CTNNA2: variants seen among roughly 807,000 people sequenced by gnomAD.
The protein encoded by CTNNA2 is catenin alpha 2.
A neutral mutation model predicts 101.0 loss-of-function variants in CTNNA2; 42 were observed. The ratio of observed to expected loss-of-function variants is 0.42; its 90% CI spans 0.32 to 0.54. The LOEUF (loss-of-function observed/expected upper bound fraction) is 0.54. CTNNA2 is among the 20% of genes least tolerant of loss of function. CTNNA2 has a pLI of 0.14. For synonymous variants in CTNNA2, 450 were observed against 456.4 expected (o/e 0.99, Z 0.18); for missense variants, 871 against 1,223.1 (o/e 0.71, Z 4.29).
chr2:80,561,044 G>A (rs1173796634), intron 12 of CTNNA2, among the ~76,000 whole-genome samples: 1 of 152,008 alleles, frequency 6.6e-6, no homozygotes, highest in Non-Finnish European at 1.5e-5. Context: ...TTGGCTTTCT[G>A]GCCTATGCTT....
chr2:79,356,120 T>C (rs1677503616), intron 3 of CTNNA2, among the ~76,000 whole-genome samples: 2 of 151,460 alleles, frequency 1.3e-5, no homozygotes, highest in South Asian at 4.1e-4. Context: ...AGAAAAAGTA[T>C]ATATACTTCC....
At chr2:80,239,616 AAT>A (rs1373684076) in intron 7 of CTNNA2, among the ~76,000 whole-genome samples, 1 of 152,174 alleles carries the variant, frequency 6.6e-6, no homozygotes, top group Non-Finnish European at 1.5e-5. Flanking sequence ...CTAATAATAA[AAT>A]AGAATAGTTA....
At chr2:79,425,412 C>A (rs1678582525) in intron 4 of CTNNA2, among the ~76,000 whole-genome samples, 1 of 152,206 alleles carries the variant, frequency 6.6e-6, no homozygotes, top group African/African-American at 2.4e-5. Context: ...ATATAAAGGA[C>A]AGAAATTTAT....
At chr2:80,095,289 A>C (rs1558802349) in intron 7 of CTNNA2, among the ~76,000 whole-genome samples, 1 of 152,136 alleles carries the variant, frequency 6.6e-6, no homozygotes, top group Non-Finnish European at 1.5e-5. Flanking sequence ...GGTTCTGTTT[A>C]TATGCTGGAT....
intron 7 of CTNNA2, among the ~76,000 whole-genome samples, chr2:80,226,222 C>A (rs1031431422): frequency 6.6e-6 from 1 of 152,134 alleles, no homozygotes; most frequent in Admixed American, 6.6e-5. Context: ...CAGTTGGTCT[C>A]TCTTAATAGG....
chr2:79,821,837 C>T (rs1363729690), intron 3 of CTNNA2, among the ~76,000 whole-genome samples: 1 of 152,172 alleles, frequency 6.6e-6, no homozygotes, highest in African/African-American at 2.4e-5. Context: ...TACTACACTA[C>T]ATTAGAGAGT....
At chr2:79,993,397 C>T (rs1692318600) in intron 7 of CTNNA2, among the ~76,000 whole-genome samples, 1 of 152,166 alleles carries the variant, frequency 6.6e-6, no homozygotes, top group Non-Finnish European at 1.5e-5. Flanking sequence ...CAGCTCTTGG[C>T]ACATCTTCAG....
At chr2:79,797,175 T>C (rs748295909) in intron 3 of CTNNA2, among the ~76,000 whole-genome samples, 9 of 152,132 alleles carry the variant, frequency 5.9e-5, no homozygotes, top group Non-Finnish European at 1.2e-4. Context: ...CCACAAAATA[T>C]TGGAAGGACT....
intron 9 of CTNNA2, among the ~76,000 whole-genome samples, chr2:80,422,467 A>G (rs568142958): frequency 2.1e-4 from 31 of 150,612 alleles, no homozygotes; most frequent in African/African-American, 7.6e-4. Context: ...GCATTATAGT[A>G]CTAGCTAGGA....
chr2:79,880,442 G>A (rs13394876), intron 6 of CTNNA2, among the ~76,000 whole-genome samples: 3,668 of 152,144 alleles, frequency 0.024, 71 homozygotes, highest in African/African-American at 0.053. Flanking sequence ...GAATCCATCT[G>A]GTCCTGGGCT....
chr2:79,751,690 G>A (rs1672058670), intron 3 of CTNNA2, among the ~76,000 whole-genome samples: 1 of 151,722 alleles, frequency 6.6e-6, no homozygotes, highest in Non-Finnish European at 1.5e-5. Flanking sequence ...ATGATGAAAG[G>A]AAGGGAGAGA....
At chr2:79,954,580 A>G (rs1301577240) in intron 7 of CTNNA2, among the ~76,000 whole-genome samples, 2 of 152,200 alleles carry the variant, frequency 1.3e-5, no homozygotes, top group African/African-American at 2.4e-5. Context: ...TTCCAAGAGC[A>G]TAATTAGACT....
At chr2:80,054,882 C>G (rs1697118164) in intron 7 of CTNNA2, among the ~76,000 whole-genome samples, 1 of 152,016 alleles carries the variant, frequency 6.6e-6, no homozygotes, top group South Asian at 2.1e-4. Flanking sequence ...CCTGAAATAT[C>G]TTAGTTTTTA....
intron 7 of CTNNA2, among the ~76,000 whole-genome samples, chr2:80,016,771 T>G (rs548504882): frequency 3.9e-5 from 6 of 152,172 alleles, no homozygotes; most frequent in Non-Finnish European, 8.8e-5. Context: ...AGTGAGACAT[T>G]TGTAGCTAAA....
Position 80,431,435 on chromosome 2 carries a change from G to A in CTNNA2, c.1290+11834G>A, listed in dbSNP as rs542678991. Among the ~76,000 whole-genome samples the A allele has an allele frequency of 1.5e-3, 232 of 152,196 alleles. 3 individuals are homozygous for A. The highest frequency in any genetic ancestry group is 6.6e-3 in the Admixed American group (101 of 15,292). On this transcript the variant is annotated intron_variant, in intron 9 of 18. Transcript: ENST00000402739. ...TCTGGCTTGTCACTATTTAGGTGCC[G>A]CCTATCTTTGATATTTTACAATTCT...
intron 7 of CTNNA2, chr2:80,288,323 G>C (rs546561048): frequency 6.6e-6 from 1 of 151,828 alleles, no homozygotes; most frequent in Non-Finnish European, 1.5e-5. Context: ...GCAGAATTTG[G>C]GGGGAGAAAA....
intron 9 of CTNNA2, among the ~76,000 whole-genome samples, chr2:80,524,060 T>A (rs569810676): frequency 6.6e-6 from 1 of 152,262 alleles, no homozygotes; most frequent in South Asian, 2.1e-4. Flanking sequence ...GACAAAAGCA[T>A]AGCTGCTGAT....
intron 2 of CTNNA2, among the ~76,000 whole-genome samples, chr2:79,734,855 G>A (rs553377511): frequency 1.2e-3 from 180 of 152,164 alleles, no homozygotes; most frequent in Non-Finnish European, 2.1e-3. Context: ...AATTTCCTTG[G>A]TAATGAACAA....
intron 4 of CTNNA2, among the ~76,000 whole-genome samples, chr2:79,377,578 G>A (rs113847551): frequency 1.6e-3 from 243 of 152,242 alleles, no homozygotes; most frequent in Middle Eastern, 0.01. Context: ...TTGGGAGACA[G>A]TATCTCTCTC....
Sources: allele counts gnomAD v4.1 joint callset (sites outside exome capture counted in the v4.1 genomes callset), GRCh38; gene constraint gnomAD v4.1.1; transcripts MANE v1.5; gene names NCBI Gene and HGNC (gene_info 2026-07-23, HGNC 2026-07-21).